The following SFXN5 variants were observed in gnomAD, a reference collection of about 807,000 sequenced individuals.
SFXN5 encodes sideroflexin-5.
In SFXN5, 43 loss-of-function variants were observed where a neutral mutation model predicts 50.2. That is an observed-to-expected ratio of 0.86 (90% CI 0.67 to 1.11). SFXN5 has a LOEUF of 1.11. Among genes scored for constraint, SFXN5 ranks in the 50% least tolerant of loss-of-function variants. The pLI is 0.00. For synonymous variants in SFXN5, 203 were observed against 185.8 expected (o/e 1.09, Z -0.75); for missense variants, 463 against 454.1 (o/e 1.02, Z -0.18).
At chr2:72,989,432 G>A (rs1384810161) in intron 9 of SFXN5, among the ~76,000 whole-genome samples, 1 of 152,136 alleles carries the variant, frequency 6.6e-6, no homozygotes. Context: ...GCTGGTATAA[G>A]AATGTATGTA....
chr2:72,989,108 C>T (rs1672264040), intron 9 of SFXN5, among the ~76,000 whole-genome samples: 2 of 152,234 alleles, frequency 1.3e-5, no homozygotes, highest in South Asian at 2.1e-4. Flanking sequence ...CTCCTTCCCA[C>T]AGCAGCCTTG....
chr2:72,987,873 C>T (rs1329288071), intron 10 of SFXN5, among the ~76,000 whole-genome samples: 1 of 152,266 alleles, frequency 6.6e-6, no homozygotes, highest in Non-Finnish European at 1.5e-5. Flanking sequence ...GTGATTTCTA[C>T]TGGTGACAAA....
chr2:73,061,992 C>G (rs190206123), intron 1 of SFXN5, among the ~76,000 whole-genome samples: 1 of 152,098 alleles, frequency 6.6e-6, no homozygotes, highest in Non-Finnish European at 1.5e-5. Context: ...TGGTATACAC[C>G]TGTAGTCCCA....
intron 3 of SFXN5, among the ~76,000 whole-genome samples, chr2:73,033,982 A>G (rs926375289): frequency 5.3e-5 from 8 of 152,228 alleles, no homozygotes; most frequent in Non-Finnish European, 8.8e-5. Flanking sequence ...CCAAATGCCA[A>G]TCGTGCCAAG....
intron 10 of SFXN5, among the ~76,000 whole-genome samples, chr2:72,976,911 A>C (rs1670682058): frequency 6.6e-6 from 1 of 152,246 alleles, no homozygotes; most frequent in Non-Finnish European, 1.5e-5. Flanking sequence ...TACTAATCTT[A>C]AGTTATGGAG....
chr2:72,983,156 G>A lies in SFXN5; in HGVS notation c.625+5102C>T, dbSNP rs114436259. 4.5e-3 allele frequency among the ~76,000 whole-genome samples: 682 copies of A among 152,296 alleles called. 10 individuals are homozygous for A. The highest frequency in any genetic ancestry group is 0.015 in the African/African-American group (616 of 41,556). ...GAAGCAGGGTGGACTGAGCACAAAGGGGGAGCAGTGGAGCAAAGAGGGGTT... is the reference window on the plus strand; with the variant it reads ...GAAGCAGGGTGGACTGAGCACAAAGAGGGAGCAGTGGAGCAAAGAGGGGTT... On this transcript the variant is annotated intron_variant, in intron 10 of 13. Coordinates refer to ENST00000272433, the MANE Select transcript of SFXN5 (RefSeq NM_144579.3).
chr2:73,006,642 A>AG (rs1674710000), intron 6 of SFXN5, among the ~76,000 whole-genome samples: 2 of 151,972 alleles, frequency 1.3e-5, no homozygotes, highest in Non-Finnish European at 2.9e-5. Context: ...AAAAAAAAAA[A>AG]TGCTCACGTA....
At position 72,942,092 on chromosome 2, in the gene SFXN5, G is replaced by A. The variant is rs1671489620; in HGVS notation, c.*2930C>T. 1 of 152,160 alleles carries A rather than the reference G, an allele frequency of 6.6e-6. No homozygotes were observed. The allele number at this position is 152,160 out of a possible 1,614,324, so 9.4% of individuals were successfully genotyped here. ...TCATTAGTATTACACAAATCACATA[G>A]ATTGAGAAATTTTCTGAGGTTAAAA... On this transcript the variant is annotated 3_prime_UTR_variant, in exon 14 of 14. Transcript: ENST00000272433.
chr2:73,065,579 T>C (rs986603043), intron 1 of SFXN5, among the ~76,000 whole-genome samples: 3 of 152,170 alleles, frequency 2.0e-5, no homozygotes, highest in Admixed American at 1.3e-4. Context: ...TTGTATTTTG[T>C]AGAGACAGGG....
At chr2:73,009,281 C>G (rs930343233) in intron 6 of SFXN5, among the ~76,000 whole-genome samples, 1 of 152,236 alleles carries the variant, frequency 6.6e-6, no homozygotes, top group Non-Finnish European at 1.5e-5. Context: ...TACCAGGCGA[C>G]AGCAGGGCCT....
At chr2:73,033,969 G>C (rs1678637674) in intron 3 of SFXN5, among the ~76,000 whole-genome samples, 1 of 152,124 alleles carries the variant, frequency 6.6e-6, no homozygotes, top group South Asian at 2.1e-4. Flanking sequence ...GAATAATCTG[G>C]CTCCAAATGC....
intron 1 of SFXN5, among the ~76,000 whole-genome samples, chr2:73,067,182 C>T (rs950471128): frequency 5.9e-5 from 9 of 152,252 alleles, no homozygotes; most frequent in Admixed American, 5.9e-4. Flanking sequence ...CCTCAAAACC[C>T]AAAAGAAAGA....
rs1681272260 is a variant in SFXN5, at chr2:73,051,242, A to G, written c.171+7286T>C. ...CTTTATTGCTCTGTTCATGGCAATG[A>G]GACTTTTTCCAGCACTTTTTTTTTT... On this transcript the variant is annotated intron_variant, in intron 2 of 13. Coordinates refer to ENST00000272433, the MANE Select transcript of SFXN5 (RefSeq NM_144579.3). Among the ~76,000 whole-genome samples, 3 of 143,158 alleles carry G rather than the reference A, an allele frequency of 2.1e-5. No homozygotes were observed. In the South Asian group the frequency reaches 6.5e-4, roughly 31 times the overall value. 93.9% of individuals were successfully genotyped at this position (143,158 alleles called of 152,430 possible).
intron 3 of SFXN5, among the ~76,000 whole-genome samples, chr2:73,025,634 A>G (rs1361111567): frequency 6.6e-6 from 1 of 152,172 alleles, no homozygotes; most frequent in Non-Finnish European, 1.5e-5. Flanking sequence ...GATGTCACAC[A>G]TCTTTGAAAG....
intron 6 of SFXN5, 27 bp downstream of exon 6, chr2:73,020,212 A>AG (rs1299859734): frequency 1.2e-6 from 2 of 1,608,186 alleles, no homozygotes; most frequent in South Asian, 2.2e-5. Flanking sequence ...TTTTTAGAAA[A>AG]GGAAATCCTT....
At position 72,989,550 on chromosome 2, in the gene SFXN5, T is replaced by C. The variant is rs1174515412; in HGVS notation, c.535-1202A>G. Among the ~76,000 whole-genome samples the C allele has an allele frequency of 2.0e-5, 3 of 152,138 alleles. No homozygotes were observed. The East Asian group carries it at 5.8e-4, about 29-fold the overall frequency. ...ACTGCACCTTTTTCATCTTTGTATGTCCACCACTTAGGGCTACACTCACTG... is the reference window on the plus strand; with the variant it reads ...ACTGCACCTTTTTCATCTTTGTATGCCCACCACTTAGGGCTACACTCACTG... On this transcript the variant is annotated intron_variant, in intron 9 of 13. Transcript: ENST00000272433.
chr2:73,069,258 G>C (rs1683399365), intron 1 of SFXN5, among the ~76,000 whole-genome samples: 1 of 152,216 alleles, frequency 6.6e-6, no homozygotes, highest in African/African-American at 2.4e-5. Context: ...GAAGCAGGGA[G>C]ACCTGTTGTG....
intron 2 of SFXN5, among the ~76,000 whole-genome samples, chr2:73,056,612 G>T (rs1682162252): frequency 6.6e-6 from 1 of 151,602 alleles, no homozygotes; most frequent in Admixed American, 6.6e-5. Context: ...TTGAACCTGG[G>T]AGGCAGAGGT....
At chr2:72,957,036 G>A in intron 13 of SFXN5, 1 of 456,694 alleles carries the variant, frequency 2.2e-6, no homozygotes, top group Non-Finnish European at 4.4e-6. Context: ...CTTCCATGAA[G>A]TTACTCCATC....
Sources: allele counts gnomAD v4.1 joint callset (sites outside exome capture counted in the v4.1 genomes callset), GRCh38; gene constraint gnomAD v4.1.1; transcripts MANE v1.5; gene names NCBI Gene and HGNC (gene_info 2026-07-23, HGNC 2026-07-21).